The following TNKS variants were observed in gnomAD, a reference collection of about 807,000 sequenced individuals.
TNKS encodes poly [ADP-ribose] polymerase tankyrase-1.
In TNKS, 72 loss-of-function variants were observed where a neutral mutation model predicts 135.8. The observed-to-expected ratio is 0.53, with a 90% CI of 0.44 to 0.64. TNKS has a LOEUF of 0.64. Ranked by LOEUF, TNKS falls within the 30% of genes least tolerant of loss-of-function variation. TNKS has a pLI of 0.00. For missense variants in TNKS, 1,769 were observed against 1,674.0 expected (o/e 1.06, Z -0.99); for synonymous variants, 849 against 649.3 (o/e 1.31, Z -4.68).
chr8:9,572,535 T>C (rs1797795478), intron 1 of TNKS, among the ~76,000 whole-genome samples: 1 of 152,196 alleles, frequency 6.6e-6, no homozygotes, highest in South Asian at 2.1e-4. Flanking sequence ...GTCACTAGTC[T>C]TTCCCTAATT....
chr8:9,765,312 A>G (rs1807368813), intron 23 of TNKS, among the ~76,000 whole-genome samples: 2 of 152,320 alleles, frequency 1.3e-5, no homozygotes, highest in South Asian at 4.1e-4. Flanking sequence ...GACCTGTAAA[A>G]GTTATACTGG....
chr8:9,661,646 G>A (rs1005981748), intron 3 of TNKS, among the ~76,000 whole-genome samples: 4 of 152,128 alleles, frequency 2.6e-5, no homozygotes, highest in African/African-American at 9.7e-5. Context: ...AGAAAACCTA[G>A]GCAATACCAT....
chr8:9,579,410 A>T (rs904375409), intron 1 of TNKS, among the ~76,000 whole-genome samples: 1 of 152,164 alleles, frequency 6.6e-6, no homozygotes, highest in Admixed American at 6.5e-5. Context: ...TCCCTAATAC[A>T]ATGCTGTGTG....
At position 9,781,248 on chromosome 8, in the gene TNKS, G is replaced by C. The variant is rs942791813; in HGVS notation, c.*4512G>C. On this transcript the variant is annotated 3_prime_UTR_variant, in exon 27 of 27. Coordinates refer to ENST00000310430, the MANE Select transcript of TNKS (RefSeq NM_003747.3). ...CTGCCCTACCTCCCATCCTTTCAAA[G>C]AGGTTTCTTTCACGTTCCAGAATTC... is the stretch of plus-strand genomic sequence containing the variant. 12 of 152,034 alleles carry C rather than the reference G, an allele frequency of 7.9e-5. No homozygotes were observed. Among genetic ancestry groups the C allele is most frequent in the Admixed American group, 6.6e-4 (10 of 15,254 alleles). The allele number at this position is 152,034 out of a possible 1,614,324, so 9.4% of individuals were successfully genotyped here. A position where few individuals can be genotyped will look rare whatever the true frequency, so the allele number is the denominator to read the frequency against.
chr8:9,669,932 T>A (rs967649046), intron 3 of TNKS, among the ~76,000 whole-genome samples: 3 of 152,200 alleles, frequency 2.0e-5, no homozygotes, highest in African/African-American at 7.2e-5. Flanking sequence ...TGAGATATAA[T>A]GTCTAGAAAA....
intron 1 of TNKS, chr8:9,575,224 C>A (rs573433693): frequency 2.4e-5 from 12 of 491,160 alleles, no homozygotes; most frequent in African/African-American, 2.3e-4. Context: ...GTAGCTGGGA[C>A]TACAGGCGCC....
intron 5 of TNKS, among the ~76,000 whole-genome samples, chr8:9,695,556 T>A (rs1803475973): frequency 6.6e-6 from 1 of 152,116 alleles, no homozygotes; most frequent in African/African-American, 2.4e-5. Context: ...TAGAGTGAGA[T>A]GAAGACCCAC....
intron 25 of TNKS, among the ~76,000 whole-genome samples, chr8:9,769,145 T>G (rs1807644064): frequency 6.6e-6 from 1 of 152,218 alleles, no homozygotes. Context: ...TCACAGTAAC[T>G]CAATTCTGCC....
intron 5 of TNKS, among the ~76,000 whole-genome samples, chr8:9,696,012 G>T (rs371519309): frequency 3.9e-5 from 6 of 152,320 alleles, no homozygotes; most frequent in African/African-American, 1.4e-4. Flanking sequence ...CACATAGGCA[G>T]TTGGATTATA....
chr8:9,646,122 C>T (rs1186490007), intron 3 of TNKS, among the ~76,000 whole-genome samples: 2 of 152,116 alleles, frequency 1.3e-5, no homozygotes, highest in Non-Finnish European at 1.5e-5. Context: ...TTTGGGCTTA[C>T]TTGTATATTG....
intron 3 of TNKS, among the ~76,000 whole-genome samples, chr8:9,635,403 C>T (rs1037438900): frequency 2.6e-5 from 4 of 152,148 alleles, no homozygotes; most frequent in Non-Finnish European, 5.9e-5. Context: ...AGAATGCCTA[C>T]TAATCAATGT....
At chr8:9,693,972 G>C (rs370153595) in intron 5 of TNKS, among the ~76,000 whole-genome samples, 6 of 152,310 alleles carry the variant, frequency 3.9e-5, no homozygotes, top group African/African-American at 1.4e-4. Context: ...GGACAAGTCA[G>C]TCATGGTAAT....
intron 14 of TNKS, among the ~76,000 whole-genome samples, chr8:9,731,948 C>A (rs887572895): frequency 6.6e-6 from 1 of 152,022 alleles, no homozygotes; most frequent in African/African-American, 2.4e-5. Flanking sequence ...TCACCACGCC[C>A]GGCTAATTTT....
rs1806600131 is a variant in TNKS, at chr8:9,752,563, T to C, written c.3090T>C (p.Asn1030=). 6.2e-7 allele frequency: 1 copy of C among 1,612,922 alleles called. No homozygotes were observed. Among genetic ancestry groups the C allele is most frequent in the Non-Finnish European group, 8.5e-7 (1 of 1,179,444 alleles). Residue 1030 remains asparagine (N), a synonymous_variant, in exon 20 of 27, where the codon AAT becomes AAC. Transcript: ENST00000310430. ...TTTTAGTTGCTGGTCTTGACATGAA[T>C]ATCAGCCAATTTCTAAAAAGCCTTG... ...KEGEVAGLDM[N]ISQFLKSLGL... is the part of the protein sequence containing the mutation.
chr8:9,626,318 A>G (rs895837798), intron 3 of TNKS, among the ~76,000 whole-genome samples: 4 of 152,164 alleles, frequency 2.6e-5, no homozygotes, highest in African/African-American at 9.7e-5. Context: ...TTTAGATGGC[A>G]TATTAGTTGA....
At chr8:9,756,931 AC>A (rs138704156) in intron 20 of TNKS, among the ~76,000 whole-genome samples, 3,370 of 151,916 alleles carry the variant, frequency 0.022, 115 homozygotes, top group African/African-American at 0.078. Context: ...TGCTGAAAAG[AC>A]TTCCCAGGGC....
chr8:9,566,913 C>G (rs748835464), intron 1 of TNKS, among the ~76,000 whole-genome samples: 2 of 151,906 alleles, frequency 1.3e-5, no homozygotes, highest in Non-Finnish European at 2.9e-5. Context: ...CGGCCTAGCC[C>G]AGTCTTTTGT....
intron 1 of TNKS, chr8:9,556,871 C>G (rs568814045): frequency 1.8e-6 from 1 of 571,416 alleles, no homozygotes; most frequent in Non-Finnish European, 3.1e-6. Flanking sequence ...TTGGTAGTCT[C>G]TGCATATGGA....
chr8:9,772,705 A>G (rs543050076), intron 26 of TNKS, among the ~76,000 whole-genome samples: 24 of 152,128 alleles, frequency 1.6e-4, no homozygotes, highest in East Asian at 1.4e-3. Context: ...ACGTAAGGCA[A>G]TATGTCTATG....
Sources: gnomAD v4.1 joint callset for allele counts (sites outside exome capture counted in the v4.1 genomes callset) on GRCh38, gnomAD v4.1.1 for gene constraint, MANE v1.5 for transcripts, NCBI Gene and HGNC (gene_info 2026-07-23, HGNC 2026-07-21) for gene names.